Variants in CSMD1 observed in about 807,000 individuals in gnomAD.
The protein encoded by CSMD1 is CUB and sushi domain-containing protein 1.
CSMD1 carries 213 observed loss-of-function variants against 417.5 expected under a neutral mutation model. The observed-to-expected ratio is 0.51, with a 90% CI of 0.46 to 0.57. CSMD1 has a LOEUF of 0.57. Ranked by LOEUF, CSMD1 falls within the 20% of genes least tolerant of loss-of-function variation. The probability of loss-of-function intolerance (pLI) is 0.00; values close to 1 mark genes in which losing one functional copy is unlikely to be tolerated. For synonymous variants in CSMD1, 2,862 were observed against 1,736.8 expected, an observed-to-expected ratio of 1.65 and a Z score of -16.11; for missense variants, 6,923 against 4,529.7, an observed-to-expected ratio of 1.53 and a Z score of -15.17.
At position 3,398,026 on chromosome 8, in the gene CSMD1, T is replaced by C. The variant is rs1473554; in HGVS notation, c.2405+1365A>G. Among the ~76,000 whole-genome samples the C allele has an allele frequency of 7.4e-3, 1,132 of 152,254 alleles. 7 individuals are homozygous for C. The highest frequency in any genetic ancestry group is 0.01 in the Non-Finnish European group (713 of 68,012). On this transcript the variant is annotated intron_variant, in intron 16 of 69. Coordinates refer to ENST00000635120, the MANE Select transcript of CSMD1 (RefSeq NM_033225.6). ...ATCAGAAATATCGGGTATTTCCAAA[T>C]GGAATTTAGCAAAACATCACACTGA...
chr8:4,106,994 G>C (rs533607302), intron 3 of CSMD1, among the ~76,000 whole-genome samples: 1 of 152,282 alleles, frequency 6.6e-6, no homozygotes, highest in Middle Eastern at 3.4e-3. Context: ...ATGGGCCTTA[G>C]ACAACACTAA....
At chr8:3,128,937 T>G in intron 41 of CSMD1, 1 of 431,860 alleles carries the variant, frequency 2.3e-6, no homozygotes, top group Non-Finnish European at 4.5e-6. Flanking sequence ...GATCTAAGGG[T>G]ATCTCACAAA....
rs1167425755 is a variant in CSMD1 at position 4,120,550 on chromosome 8, C to A, written c.416-88451G>T. The stretch of plus-strand genomic sequence containing the variant: ...TGGCATCTTCTGGCGATAAGGGATA[C>A]CAAAACTGGCGACCGGGAGGCTTTC... On this transcript the variant is annotated intron_variant, in intron 3 of 69. Coordinates refer to ENST00000635120, the MANE Select transcript of CSMD1 (RefSeq NM_033225.6). 3.9e-5 allele frequency among the ~76,000 whole-genome samples: 6 copies of A among 152,184 alleles called. No individual in the cohort carries two copies. In the East Asian group the frequency reaches 1.2e-3, roughly 29 times the overall value.
intron 5 of CSMD1, among the ~76,000 whole-genome samples, chr8:3,886,278 A>T (rs1806557755): frequency 1.3e-5 from 2 of 152,234 alleles, no homozygotes; most frequent in South Asian, 2.1e-4. Context: ...CAAACTCCTG[A>T]CCTCAAGTAA....
chr8:3,997,817 G>T, intron 5 of CSMD1, 86 bp downstream of exon 5: 2 of 1,252,654 alleles, frequency 1.6e-6, no homozygotes, highest in Non-Finnish European at 2.3e-6. Context: ...TGAACGTCCA[G>T]AGACAAGCAA....
chr8:2,947,317 G>C (rs926911821), intron 68 of CSMD1, among the ~76,000 whole-genome samples: 2 of 152,122 alleles, frequency 1.3e-5, no homozygotes, highest in Non-Finnish European at 2.9e-5. Context: ...TTTATCTACT[G>C]ACTAGAGAAA....
intron 1 of CSMD1, among the ~76,000 whole-genome samples, chr8:4,737,925 G>C (rs948026749): frequency 2.6e-5 from 4 of 152,168 alleles, no homozygotes; most frequent in Non-Finnish European, 1.5e-5. Context: ...TTGAAGGAAA[G>C]GCGAGAAAGT....
chr8:4,477,426 G>T (rs1800863161), intron 2 of CSMD1, among the ~76,000 whole-genome samples: 1 of 152,166 alleles, frequency 6.6e-6, no homozygotes, highest in Non-Finnish European at 1.5e-5. Context: ...AAAATTGGGG[G>T]GCTCAGAAAC....
chr8:4,953,471 G>T (rs193026606), intron 1 of CSMD1, among the ~76,000 whole-genome samples: 11 of 152,184 alleles, frequency 7.2e-5, no homozygotes, highest in Admixed American at 6.6e-4. Flanking sequence ...TGCTTTATAA[G>T]GAGCATTTCT....
chr8:3,622,999 A>G (rs962910789), intron 7 of CSMD1, among the ~76,000 whole-genome samples: 1 of 152,224 alleles, frequency 6.6e-6, no homozygotes, highest in South Asian at 2.1e-4. Flanking sequence ...TGACATAGAT[A>G]GTAATAAATA....
At chr8:4,644,304 G>C (rs554884803) in intron 1 of CSMD1, among the ~76,000 whole-genome samples, 1 of 152,144 alleles carries the variant, frequency 6.6e-6, no homozygotes, top group South Asian at 2.1e-4. Flanking sequence ...GCTTTGCCCA[G>C]ATTTTTTCAT....
Position 3,679,959 on chromosome 8 carries a change from C to G in CSMD1, c.1009+28455G>C, listed in dbSNP as rs1259520019. On this transcript the variant is annotated intron_variant, in intron 7 of 69. Transcript: ENST00000635120. ...TACTGGGTACATAACGAAATGAAGG[C>G]AGAAATAAAGATGTTCTTTGAAACC... Among the ~76,000 whole-genome samples, 6 of 152,204 alleles carry G rather than the reference C, an allele frequency of 3.9e-5. No homozygotes were observed. In the East Asian group the frequency reaches 9.7e-4, roughly 25 times the overall value.
At chr8:3,850,867 G>A (rs542899067) in intron 5 of CSMD1, among the ~76,000 whole-genome samples, 2 of 152,056 alleles carry the variant, frequency 1.3e-5, no homozygotes, top group Middle Eastern at 3.2e-3. Context: ...ACTCAAGAAA[G>A]AATTTATTTC....
chr8:3,423,622 C>T (rs570262819), intron 12 of CSMD1, among the ~76,000 whole-genome samples: 2 of 152,278 alleles, frequency 1.3e-5, no homozygotes, highest in African/African-American at 2.4e-5. Flanking sequence ...CACCATTTGT[C>T]TATCTTGTCA....
chr8:3,651,335 T>A (rs1797846276), intron 7 of CSMD1, among the ~76,000 whole-genome samples: 1 of 152,070 alleles, frequency 6.6e-6, no homozygotes. Context: ...CAAGATCTAG[T>A]CCCCACCCCC....
At chr8:4,249,331 G>C (rs1391989781) in intron 3 of CSMD1, among the ~76,000 whole-genome samples, 3 of 152,220 alleles carry the variant, frequency 2.0e-5, no homozygotes, top group Non-Finnish European at 2.9e-5. Flanking sequence ...TTGTTTCTAA[G>C]AGGATGGAAT....
chr8:3,248,547 T>TTTTTTTG (rs397950793), intron 26 of CSMD1, among the ~76,000 whole-genome samples: 13 of 139,528 alleles, frequency 9.3e-5, no homozygotes, highest in Admixed American at 1.6e-4. Flanking sequence ...TTTTTTTTTT[T>TTTTTTTG]GAGACGTAGT....
chr8:4,133,868 G>C (rs144796617), intron 3 of CSMD1, among the ~76,000 whole-genome samples: 5 of 152,072 alleles, frequency 3.3e-5, no homozygotes, highest in Non-Finnish European at 7.4e-5. Flanking sequence ...CACATATAAA[G>C]ACAGGAAATT....
chr8:4,845,017 C>A (rs574313510), intron 1 of CSMD1, among the ~76,000 whole-genome samples: 25 of 152,234 alleles, frequency 1.6e-4, no homozygotes, highest in Non-Finnish European at 2.9e-4. Flanking sequence ...TAATACTTAG[C>A]ATTTTACATG....
Sources: gnomAD v4.1 joint callset for allele counts (sites outside exome capture counted in the v4.1 genomes callset) on GRCh38, gnomAD v4.1.1 for gene constraint, MANE v1.5 for transcripts, NCBI Gene and HGNC (gene_info 2026-07-23, HGNC 2026-07-21) for gene names.